ZSCAN10: variants seen among roughly 807,000 people sequenced by gnomAD.
ZSCAN10 encodes zinc finger and SCAN domain containing 10, also known as zinc finger and SCAN domain-containing protein 10.
ZSCAN10 carries 52 observed loss-of-function variants against 63.7 expected under a neutral mutation model. That is an observed-to-expected ratio of 0.82 (90% CI 0.65 to 1.03). The LOEUF is 1.03. Among genes scored for constraint, ZSCAN10 ranks in the 50% least tolerant of loss-of-function variants. The pLI is 0.00. For missense variants in ZSCAN10, 1,223 were observed against 1,103.8 expected (o/e 1.11, Z -1.53); for synonymous variants, 544 against 479.6 (o/e 1.13, Z -1.76).
rs761102538 is a variant in ZSCAN10 at position 3,090,540 on chromosome 16, C to G, written c.894G>C (p.Gly298=). Residue 298 remains glycine (G), a synonymous_variant, in exon 6 of 6, where the codon GGG becomes GGC. Transcript: ENST00000576985. ...ILAESQADSP[G]VPGEPCAQSL... ...ACTGGGCGCAAGGCTCTCCCGGCAC[C>G]CCAGGACTATCTGCCTGGGACTCTG... is the stretch of plus-strand genomic sequence containing the variant. 6 of 1,611,688 alleles carry G rather than the reference C, an allele frequency of 3.7e-6. No homozygotes were observed. The highest frequency in any genetic ancestry group is 4.2e-6 in the Non-Finnish European group (5 of 1,178,548).
Position 3,089,817 on chromosome 16 carries a change from G to C in ZSCAN10, c.1617C>G (p.Ala539=). 2.5e-6 allele frequency: 4 copies of C among 1,573,652 alleles called. No homozygotes were observed. The highest frequency in any genetic ancestry group is 3.4e-6 in the Non-Finnish European group (4 of 1,167,092). ...GCTCGCCCGTGTGCACCCTCCGGTG[G>C]GCCACCAGGTGCTCGCTGCGCCGGA... is the stretch of plus-strand genomic sequence containing the variant. ...KAFRRSEHLV[A]HRRVHTGERP... The change falls in exon 6 of 6, where the codon GCC becomes GCG. Residue 539 remains alanine (A), a synonymous_variant. Coordinates refer to ENST00000576985, the MANE Select transcript of ZSCAN10 (RefSeq NM_032805.3).
intron 4 of ZSCAN10, 65 bp from the exon 5 acceptor site, chr16:3,091,662 A>G (rs756662658): frequency 9.5e-5 from 153 of 1,611,376 alleles, no homozygotes; most frequent in Non-Finnish European, 1.3e-4. Flanking sequence ...GGGGACTGAA[A>G]TGCTTCCTAG....
chr16:3,089,274 G>T lies in ZSCAN10; in HGVS notation c.2160C>A (p.Ala720=). Residue 720 remains alanine (A), a synonymous_variant, in exon 6 of 6, where the codon GCC becomes GCA. Coordinates refer to ENST00000576985, the MANE Select transcript of ZSCAN10 (RefSeq NM_032805.3). ...ACTCCACGCACTCCTGCGGGGGCTC[G>T]GCCTGCTCCTGCCCGGGCTCCGCAT... is the stretch of plus-strand genomic sequence containing the variant. ...ATHAEPGQEQ[A]EPPQECVECG... is the part of the protein sequence containing the mutation. 1 of 1,566,174 alleles carries T rather than the reference G, an allele frequency of 6.4e-7. No homozygotes were observed. Among genetic ancestry groups the T allele is most frequent in the Non-Finnish European group, 8.6e-7 (1 of 1,164,378 alleles).
intron 1 of ZSCAN10, among the ~76,000 whole-genome samples, chr16:3,096,649 C>T (rs946828476): frequency 2.0e-5 from 3 of 152,140 alleles, no homozygotes; most frequent in Admixed American, 2.0e-4. Context: ...ACCCAGTGGC[C>T]GAGTGCAGTG....
chr16:3,095,063 G>A (rs1957136593), intron 1 of ZSCAN10, among the ~76,000 whole-genome samples: 1 of 152,072 alleles, frequency 6.6e-6, no homozygotes, highest in African/African-American at 2.4e-5. Flanking sequence ...GCTCTTTCAA[G>A]TTCTCTGGAT....
chr16:3,098,328 C>T (rs989099347), intron 1 of ZSCAN10, among the ~76,000 whole-genome samples: 1 of 152,124 alleles, frequency 6.6e-6, no homozygotes, highest in Non-Finnish European at 1.5e-5. Context: ...GTGACATGCT[C>T]AGGGTCACAC....
In ZSCAN10 at chr16:3,091,578, T is replaced by A. The variant is rs1366219869; in HGVS notation, c.749A>T (p.Asp250Val). ...AGGCCACGCCTTATTCTCTGGCACA[T>A]CCTCAAAGGTCAGGCACTCCTGTAT... ...AAVLECLTFE[D>V]VPENKAWPAH... is the part of the protein sequence containing the mutation. Residue 250 changes from aspartate to valine, a missense_variant, in exon 5 of 6, where the codon GAT becomes GTT. Asp to Val is a radical substitution (Grantham distance 152). Coordinates refer to ENST00000576985, the MANE Select transcript of ZSCAN10 (RefSeq NM_032805.3). The A allele has an allele frequency of 1.9e-6, 3 of 1,614,202 alleles. No individual in the cohort carries two copies. Among genetic ancestry groups the A allele is most frequent in the South Asian group, 1.1e-5 (1 of 91,084 alleles).
At chr16:3,092,454 G>A in intron 2 of ZSCAN10, 88 bp downstream of exon 2, 2 of 1,469,158 alleles carry the variant, frequency 1.4e-6, no homozygotes, top group Non-Finnish European at 1.8e-6. Context: ...GTCAGGTGGG[G>A]GAAAGTGAAG....
Position 3,092,381 on chromosome 16 carries a change from GA to G in ZSCAN10, c.397-66del, listed in dbSNP as rs771120942. On this transcript the variant is annotated intron_variant, in intron 2 of 5. Transcript: ENST00000576985. Reference sequence around the variant, plus strand: ...GCAACCTGTGTCCTGACTCCGAGGGGACATGGGACAGAAACGAGGTTAGAGT... The same window carrying G: ...GCAACCTGTGTCCTGACTCCGAGGGGCATGGGACAGAAACGAGGTTAGAGT... 4 of 1,538,368 alleles carry G rather than the reference GA, an allele frequency of 2.6e-6. No homozygotes were observed. The East Asian group carries it at 9.0e-5, about 35-fold the overall frequency.
At chr16:3,091,486 G>T (rs1957074054) in intron 5 of ZSCAN10, 54 bp downstream of exon 5, 1 of 1,585,150 alleles carries the variant, frequency 6.3e-7, no homozygotes, top group East Asian at 2.2e-5. Flanking sequence ...CTTTAAAAAA[G>T]ACAAGAAAAG....
chr16:3,090,097 C>G lies in ZSCAN10; in HGVS notation c.1337G>C (p.Ser446Thr), dbSNP rs373156662. The G allele has an allele frequency of 2.5e-6, 4 of 1,603,042 alleles. No homozygotes were observed. The highest frequency in any genetic ancestry group is 2.5e-6 in the Non-Finnish European group (3 of 1,178,300). The part of the protein sequence containing the change: ...ECGRGFQRRA[S>T]LVQHLLAHAQ... ...GTGCGCCAGCAGGTGCTGCACAAGG[C>G]TGGCGCGGCGCTGGAAGCCGCGGCC... Residue 446 changes from serine to threonine, a missense_variant, in exon 6 of 6, where the codon AGC becomes ACC. Transcript: ENST00000576985.
At chr16:3,091,034 C>T (rs1447661995) in intron 5 of ZSCAN10, among the ~76,000 whole-genome samples, 2 of 151,476 alleles carry the variant, frequency 1.3e-5, no homozygotes, top group East Asian at 3.9e-4. Flanking sequence ...GGTTCCACTG[C>T]ACTCCAGCCT....
At chr16:3,090,780 T>A in intron 5 of ZSCAN10, 134 bp from the exon 6 acceptor site, 3 of 1,093,456 alleles carry the variant, frequency 2.7e-6, no homozygotes, top group Non-Finnish European at 3.7e-6. Flanking sequence ...CCGGGCACAG[T>A]GGTTCACGCC....
rs749215616 is a variant in ZSCAN10 at position 3,089,779 on chromosome 16, C to T, written c.1655G>A (p.Cys552Tyr). Reference sequence around the variant, plus strand: ...CGTGAAGCTGCGGCCGCAAGCCTGGCAGGAGAAGGGCCGCTCGCCCGTGTG... The same window carrying T: ...CGTGAAGCTGCGGCCGCAAGCCTGGTAGGAGAAGGGCCGCTCGCCCGTGTG... ...RVHTGERPFS[C>Y]QACGRSFTQS... The change falls in exon 6 of 6, where the codon TGC becomes TAC. Residue 552 changes from cysteine (C) to tyrosine (Y), a missense_variant. Cys to Tyr is a radical substitution (Grantham distance 194). Coordinates refer to ENST00000576985, the MANE Select transcript of ZSCAN10 (RefSeq NM_032805.3). 6.3e-7 allele frequency: 1 copy of T among 1,596,012 alleles called. No homozygotes were observed. The highest frequency in any genetic ancestry group is 2.2e-5 in the East Asian group (1 of 44,634).
At chr16:3,095,591 G>A (rs1350961610) in intron 1 of ZSCAN10, among the ~76,000 whole-genome samples, 2 of 151,290 alleles carry the variant, frequency 1.3e-5, no homozygotes, top group African/African-American at 2.4e-5. Flanking sequence ...CAGCACTTTG[G>A]GAGGCCGAGG....
Position 3,091,975 on chromosome 16 carries a change from T to C in ZSCAN10, c.664+74A>G, listed in dbSNP as rs1957083878. Reference sequence around the variant, plus strand: ...CCTGGTCACCTGGGGAGGCCCCACTTCTCACCCCACCCCAGACATCCAGGC... The same window carrying C: ...CCTGGTCACCTGGGGAGGCCCCACTCCTCACCCCACCCCAGACATCCAGGC... On this transcript the variant is annotated intron_variant, in intron 3 of 5. Transcript: ENST00000576985. 1.9e-6 allele frequency: 3 copies of C among 1,564,790 alleles called. No homozygotes were observed. In the African/African-American group the frequency reaches 4.1e-5, roughly 21 times the overall value.
Position 3,089,447 on chromosome 16 carries a change from C to A in ZSCAN10, c.1987G>T (p.Ala663Ser), listed in dbSNP as rs149846830. ...QRIHTGEKPH[A>S]CDTCGHRFRN... ...AAACGGTGGCCGCAGGTGTCGCAGG[C>A]GTGGGGCTTCTCCCCTGTGTGGATG... Residue 663 changes from alanine to serine, a missense_variant, in exon 6 of 6, where the codon GCC becomes TCC. By Grantham distance (99) the Ala-to-Ser change is moderately conservative (BLOSUM62 1). Coordinates refer to ENST00000576985, the MANE Select transcript of ZSCAN10 (RefSeq NM_032805.3). 3.1e-5 allele frequency: 49 copies of A among 1,605,394 alleles called. No individual in the cohort carries two copies. The African/African-American group carries it at 5.5e-4, about 18-fold the overall frequency.
At chr16:3,094,460 G>A (rs973153246) in intron 1 of ZSCAN10, among the ~76,000 whole-genome samples, 6 of 152,148 alleles carry the variant, frequency 3.9e-5, no homozygotes, top group East Asian at 1.9e-4. Flanking sequence ...ATTCTCGTCC[G>A]TCAGCTTCGT....
At position 3,092,655 on chromosome 16, in the gene ZSCAN10, C is replaced by T. The variant is rs747376568; in HGVS notation, c.283G>A (p.Val95Met). The part of the protein sequence containing the change: ...ELLVLEQFLS[V>M]LPPHLLGRLQ... ...CGGCCCAGGAGGTGCGGAGGCAGCA[C>T]ACTCAGGAACTGCTCCAGCACCAGC... is the stretch of plus-strand genomic sequence containing the variant. Residue 95 changes from valine to methionine, a missense_variant, in exon 2 of 6, where the codon GTG becomes ATG. Coordinates refer to ENST00000576985, the MANE Select transcript of ZSCAN10 (RefSeq NM_032805.3). The T allele has an allele frequency of 1.1e-5, 17 of 1,612,962 alleles. No individual in the cohort carries two copies. The Middle Eastern group carries it at 1.6e-3, about 156-fold the overall frequency.
Sources: gnomAD v4.1 joint callset for allele counts (sites outside exome capture counted in the v4.1 genomes callset) on GRCh38, gnomAD v4.1.1 for gene constraint, MANE v1.5 for transcripts, NCBI Gene and HGNC (gene_info 2026-07-23, HGNC 2026-07-21) for gene names.